Variants in CPA4 observed in about 807,000 individuals in gnomAD.
CPA4 encodes the protein carboxypeptidase A3.
Under a neutral mutation model 54.7 loss-of-function variants are expected in CPA4, and 49 were observed. The observed-to-expected ratio is 0.90, with a 90% CI of 0.71 to 1.14. The LOEUF (loss-of-function observed/expected upper bound fraction) is 1.14, where lower values mean the gene tolerates loss of function less well. Ranked by LOEUF, CPA4 falls within the 50% of genes most tolerant of loss-of-function variation. CPA4 has a pLI of 0.00. For synonymous variants in CPA4, 215 were observed against 206.8 expected, an observed-to-expected ratio of 1.04 and a Z score of -0.34; for missense variants, 487 against 525.1, an observed-to-expected ratio of 0.93 and a Z score of 0.71.
intron 9 of CPA4, 149 bp from the exon 10 acceptor site, chr7:130,311,889 G>A: frequency 3.1e-6 from 2 of 635,752 alleles, no homozygotes; most frequent in Admixed American, 4.9e-5. Flanking sequence ...TTACAGTTGG[G>A]CCTTGGCACT....
At chr7:130,299,206 A>G in intron 2 of CPA4, 64 bp from the exon 3 acceptor site, 3 of 1,529,790 alleles carry the variant, frequency 2.0e-6, no homozygotes, top group East Asian at 2.3e-5. Context: ...TTCTAGAAGA[A>G]TAACCTCATT....
In CPA4 at chr7:130,299,651, C is replaced by G. The variant is rs6977811; in HGVS notation, c.285+247C>G. On this transcript the variant is annotated intron_variant, in intron 3 of 10. Coordinates refer to ENST00000222482, the MANE Select transcript of CPA4 (RefSeq NM_016352.4). The stretch of plus-strand genomic sequence containing the variant: ...ATCCTGATTTTGCTAACTACTAGTG[C>G]TATGTGCTGTGTCTTTGGACAAGTT... 1,082 of 469,840 alleles carry G rather than the reference C, an allele frequency of 2.3e-3. 9 individuals are homozygous for G. Among genetic ancestry groups the G allele is most frequent in the African/African-American group, 0.019 (1,006 of 51,764 alleles). The allele number at this position is 469,840 out of a possible 1,614,324, so 29.1% of individuals were successfully genotyped here. A position where few individuals can be genotyped will look rare whatever the true frequency, so the allele number is the denominator to read the frequency against.
At chr7:130,299,145 G>C in intron 2 of CPA4, 125 bp from the exon 3 acceptor site, 1 of 1,009,718 alleles carries the variant, frequency 9.9e-7, no homozygotes, top group South Asian at 1.4e-5. Context: ...GGCAAACTTT[G>C]CCCTTGGGCA....
intron 10 of CPA4, among the ~76,000 whole-genome samples, chr7:130,313,132 G>A (rs1010526674): frequency 3.2e-4 from 49 of 152,244 alleles, no homozygotes; most frequent in Admixed American, 2.9e-3. Flanking sequence ...AGGAGGGCAC[G>A]GAGAGTTTTT....
At chr7:130,295,164 A>G (rs1408943110) in intron 1 of CPA4, among the ~76,000 whole-genome samples, 2 of 152,216 alleles carry the variant, frequency 1.3e-5, no homozygotes, top group Admixed American at 6.5e-5. Flanking sequence ...ACCATCTCTT[A>G]ATATTCTTTG....
Position 130,300,806 on chromosome 7 carries a change from G to A in CPA4, c.286-10G>A. 6.3e-7 allele frequency: 1 copy of A among 1,594,378 alleles called. No homozygotes were observed. The highest frequency in any genetic ancestry group is 1.1e-5 in the South Asian group (1 of 90,700). Reference sequence around the variant, plus strand: ...ATGGATCACTTCACAACATTGCTGTGTGTTTTCAGGCCCTTTTAGACAATG... The same window carrying A: ...ATGGATCACTTCACAACATTGCTGTATGTTTTCAGGCCCTTTTAGACAATG... On this transcript the variant is annotated splice_polypyrimidine_tract_variant and intron_variant, in intron 3 of 10. Transcript: ENST00000222482.
At chr7:130,299,457 G>A in intron 3 of CPA4, 53 bp downstream of exon 3, 1 of 1,554,160 alleles carries the variant, frequency 6.4e-7, no homozygotes, top group South Asian at 1.1e-5. Context: ...CAGGCAGCCA[G>A]TCCAGAGTAG....
At chr7:130,300,721 G>A (rs12538292) in intron 3 of CPA4, 95 bp from the exon 4 acceptor site, 245,978 of 765,858 alleles carry the variant, frequency 0.32, 40,043 homozygotes, top group South Asian at 0.35. Flanking sequence ...TGAAAGGGCC[G>A]CCATCTTGGC....
chr7:130,296,200 G>A (rs922417885), intron 1 of CPA4, among the ~76,000 whole-genome samples: 1 of 152,150 alleles, frequency 6.6e-6, no homozygotes, highest in Admixed American at 6.5e-5. Context: ...AAAAGTACGC[G>A]GTGAGTTTGG....
intron 10 of CPA4, among the ~76,000 whole-genome samples, chr7:130,314,813 G>C (rs1164121827): frequency 6.6e-6 from 1 of 152,144 alleles, no homozygotes; most frequent in African/African-American, 2.4e-5. Flanking sequence ...CCACTGAAGG[G>C]CTGTAATGCG....
rs140290450 is a variant in CPA4, at chr7:130,315,120, G to T, written c.1078+2998G>T. Among the ~76,000 whole-genome samples, 67 of 152,138 alleles carry T rather than the reference G, an allele frequency of 4.4e-4. No individual in the cohort carries two copies. The East Asian group carries it at 8.7e-3, about 20-fold the overall frequency. On this transcript the variant is annotated intron_variant, in intron 10 of 10. Coordinates refer to ENST00000222482, the MANE Select transcript of CPA4 (RefSeq NM_016352.4). ...CACTTAGGTGTGAGGGGGGGAATTG[G>T]GGGTAGGACTGGGATCCCAGTCCTG...
chr7:130,321,685 C>G (rs1190348573), intron 10 of CPA4, among the ~76,000 whole-genome samples: 2 of 152,174 alleles, frequency 1.3e-5, no homozygotes, highest in African/African-American at 4.8e-5. Context: ...TACATGGTAG[C>G]AGGGCAAAGA....
chr7:130,311,649 C>T (rs1294426901), intron 9 of CPA4, among the ~76,000 whole-genome samples: 2 of 152,146 alleles, frequency 1.3e-5, no homozygotes, highest in East Asian at 1.9e-4. Flanking sequence ...ATATTTGGCC[C>T]TCCCTCATGT....
rs766960891 is a variant in CPA4 at position 130,306,761 on chromosome 7, C to T, written c.592-26C>T. ...AATGGCCCATCCTGCCATGGGATAG[C>T]TGACAAGCATATTGTCTCTGCTTAG... On this transcript the variant is annotated intron_variant, in intron 6 of 10. Transcript: ENST00000222482. 7.4e-6 allele frequency: 10 copies of T among 1,355,430 alleles called. No homozygotes were observed. The Admixed American group carries it at 1.7e-4, about 23-fold the overall frequency. 84.0% of individuals were successfully genotyped at this position (1,355,430 alleles called of 1,614,324 possible).
At chr7:130,304,327 C>T in intron 4 of CPA4, 151 bp from the exon 5 acceptor site, 1 of 697,184 alleles carries the variant, frequency 1.4e-6, no homozygotes, top group Non-Finnish European at 2.6e-6. Context: ...AGGCAGGTCT[C>T]ATAATCAGCG....
chr7:130,321,443 A>G (rs1794097987), intron 10 of CPA4, among the ~76,000 whole-genome samples: 1 of 152,190 alleles, frequency 6.6e-6, no homozygotes, highest in African/African-American at 2.4e-5. Context: ...TAGGGCAGGA[A>G]TTCAATGGTT....
At chr7:130,306,504 C>T (rs1793823087) in intron 6 of CPA4, among the ~76,000 whole-genome samples, 1 of 152,186 alleles carries the variant, frequency 6.6e-6, no homozygotes, top group African/African-American at 2.4e-5. Context: ...GTGGCTCCCT[C>T]CTCCTGGAAG....
At chr7:130,300,487 C>T (rs1166661432) in intron 3 of CPA4, among the ~76,000 whole-genome samples, 1 of 151,928 alleles carries the variant, frequency 6.6e-6, no homozygotes, top group African/African-American at 2.4e-5. Flanking sequence ...AGGCACGCAC[C>T]ACCACGCCCA....
At chr7:130,299,566 C>A in intron 3 of CPA4, 162 bp downstream of exon 3, 1 of 634,512 alleles carries the variant, frequency 1.6e-6, no homozygotes, top group Non-Finnish European at 2.7e-6. Context: ...GTTAGAGGAA[C>A]AACATTTTGT....
Sources: gnomAD v4.1 joint callset for allele counts (sites outside exome capture counted in the v4.1 genomes callset) on GRCh38, gnomAD v4.1.1 for gene constraint, MANE v1.5 for transcripts, NCBI Gene and HGNC (gene_info 2026-07-23, HGNC 2026-07-21) for gene names.